Variants in FGF5 observed in about 807,000 individuals in gnomAD.
The protein encoded by FGF5 is heparin-binding growth factor 5.
A neutral mutation model predicts 21.8 loss-of-function variants in FGF5; 23 were observed. The observed-to-expected ratio is 1.05, with a 90% confidence interval of 0.76 to 1.49. The LOEUF is 1.49. Ranked by LOEUF, FGF5 falls within the 40% of genes most tolerant of loss-of-function variation. The pLI is 0.00. For synonymous variants in FGF5, 158 were observed against 124.0 expected (o/e 1.27, Z -1.82); for missense variants, 352 against 332.9 (o/e 1.06, Z -0.45).
chr4:80,272,501 CTATT>C (rs765217972), intron 1 of FGF5, among the ~76,000 whole-genome samples: 3 of 151,986 alleles, frequency 2.0e-5, no homozygotes, highest in Non-Finnish European at 2.9e-5. Flanking sequence ...TTATCAGAAA[CTATT>C]TATTTAAGCA....
At chr4:80,269,677 C>T (rs1293128959) in intron 1 of FGF5, among the ~76,000 whole-genome samples, 3 of 152,130 alleles carry the variant, frequency 2.0e-5, no homozygotes, top group Admixed American at 2.0e-4. Flanking sequence ...GTTTCTGTGT[C>T]TTTCACATGA....
Position 80,275,021 on chromosome 4 carries a change from A to G in FGF5, c.459+9A>G, listed in dbSNP as rs756459926. The G allele has an allele frequency of 7.9e-7, 1 of 1,258,364 alleles. No individual in the cohort carries two copies. Among genetic ancestry groups the G allele is most frequent in the Non-Finnish European group, 1.1e-6 (1 of 872,930 alleles). 77.9% of individuals were successfully genotyped at this position (1,258,364 alleles called of 1,614,324 possible). A position where few individuals can be genotyped will look rare whatever the true frequency, so the allele number is the denominator to read the frequency against. The stretch of plus-strand genomic sequence containing the variant: ...GAAAACTCCATGCAAGTGTAAGTAG[A>G]ACCACTTTATATTTGTTAAAGGTGC... On this transcript the variant is annotated intron_variant, in intron 2 of 2. Coordinates refer to ENST00000312465, the MANE Select transcript of FGF5 (RefSeq NM_004464.4).
intron 2 of FGF5, among the ~76,000 whole-genome samples, chr4:80,278,725 T>G (rs1171363256): frequency 2.0e-5 from 3 of 152,156 alleles, no homozygotes; most frequent in African/African-American, 4.8e-5. Flanking sequence ...GTGGGCTCCC[T>G]GGACTCATTC....
At chr4:80,276,512 A>T (rs970571206) in intron 2 of FGF5, among the ~76,000 whole-genome samples, 2 of 151,956 alleles carry the variant, frequency 1.3e-5, no homozygotes, top group Non-Finnish European at 2.9e-5. Context: ...TTTTATTTCA[A>T]TAGGTTTTTA....
At chr4:80,277,482 T>A (rs995697415) in intron 2 of FGF5, among the ~76,000 whole-genome samples, 4 of 152,154 alleles carry the variant, frequency 2.6e-5, no homozygotes, top group Non-Finnish European at 5.9e-5. Context: ...TTTAAAGATG[T>A]TGAATTTAGA....
chr4:80,277,592 C>G (rs965593560), intron 2 of FGF5, among the ~76,000 whole-genome samples: 1 of 152,050 alleles, frequency 6.6e-6, no homozygotes, highest in Non-Finnish European at 1.5e-5. Context: ...TTTTGTAACT[C>G]TAAATATGAC....
At chr4:80,282,327 A>G (rs1245511225) in intron 2 of FGF5, among the ~76,000 whole-genome samples, 1 of 152,182 alleles carries the variant, frequency 6.6e-6, no homozygotes, top group Non-Finnish European at 1.5e-5. Context: ...ATATTCAAGA[A>G]AAAATAGTTC....
chr4:80,266,803 T>G lies in FGF5; in HGVS notation c.-22T>G. ...CAGAATCAGCCCTACAAGATGCACT[T>G]AGGACCCCCGCGGCTGGAAGAATGA... On this transcript the variant is annotated 5_prime_UTR_variant, in exon 1 of 3. The change creates a premature stop within an existing upstream ORF in the 5' untranslated region. Coordinates refer to ENST00000312465, the MANE Select transcript of FGF5 (RefSeq NM_004464.4). The G allele has an allele frequency of 2.6e-6, 4 of 1,554,878 alleles. No homozygotes were observed. Among genetic ancestry groups the G allele is most frequent in the Non-Finnish European group, 3.5e-6 (4 of 1,152,072 alleles).
chr4:80,283,315 A>C (rs1223024720), intron 2 of FGF5, among the ~76,000 whole-genome samples: 1 of 152,098 alleles, frequency 6.6e-6, no homozygotes, highest in East Asian at 1.9e-4. Context: ...TGACCTTTGA[A>C]AAATCTGAAG....
chr4:80,271,580 C>T (rs1720273929), intron 1 of FGF5, among the ~76,000 whole-genome samples: 1 of 152,134 alleles, frequency 6.6e-6, no homozygotes, highest in African/African-American at 2.4e-5. Context: ...ACTAAGACAC[C>T]TGTCCATACT....
At chr4:80,285,316 G>A (rs777092687) in intron 2 of FGF5, among the ~76,000 whole-genome samples, 1 of 152,134 alleles carries the variant, frequency 6.6e-6, no homozygotes, top group Non-Finnish European at 1.5e-5. Context: ...TAGAGGTCAC[G>A]CTGAACTACT....
intron 2 of FGF5, among the ~76,000 whole-genome samples, chr4:80,281,395 T>C (rs1407800817): frequency 6.6e-6 from 1 of 152,236 alleles, no homozygotes; most frequent in African/African-American, 2.4e-5. Context: ...CAGTCTATGA[T>C]AACCTTTTTG....
intron 2 of FGF5, among the ~76,000 whole-genome samples, chr4:80,280,173 A>G (rs1222096067): frequency 6.6e-6 from 1 of 152,204 alleles, no homozygotes; most frequent in Non-Finnish European, 1.5e-5. Flanking sequence ...TGAAAAGAAT[A>G]TTTTTTTGCC....
At chr4:80,285,194 A>G (rs890479183) in intron 2 of FGF5, among the ~76,000 whole-genome samples, 1 of 152,124 alleles carries the variant, frequency 6.6e-6, no homozygotes, top group Admixed American at 6.6e-5. Flanking sequence ...CTCTTCCCCC[A>G]TTCTCCCACA....
intron 1 of FGF5, 78 bp downstream of exon 1, chr4:80,267,257 G>A (rs1720123999): frequency 8.4e-6 from 10 of 1,191,060 alleles, no homozygotes; most frequent in Non-Finnish European, 1.2e-5. Context: ...TATTCGCCGG[G>A]ACACAGGCTC....
intron 2 of FGF5, among the ~76,000 whole-genome samples, chr4:80,285,818 C>T (rs146350477): frequency 0.013 from 1,990 of 152,292 alleles, 27 homozygotes; most frequent in Middle Eastern, 0.044. Flanking sequence ...ACTTCTCTCT[C>T]AGCAGCCTCA....
chr4:80,290,774 T>A lies in FGF5; in HGVS notation c.*4102T>A, dbSNP rs894474564. The stretch of plus-strand genomic sequence containing the variant: ...TTATTGTTCAATTCCCACCTATGAG[T>A]GAGAATATGTGGTGTTTGGTTTTTG... On this transcript the variant is annotated 3_prime_UTR_variant, in exon 3 of 3. Coordinates refer to ENST00000312465, the MANE Select transcript of FGF5 (RefSeq NM_004464.4). 1 of 152,026 alleles carries A rather than the reference T, an allele frequency of 6.6e-6. No individual in the cohort carries two copies. Among genetic ancestry groups the A allele is most frequent in the Non-Finnish European group, 1.5e-5 (1 of 68,008 alleles). 9.4% of individuals were successfully genotyped at this position (152,026 alleles called of 1,614,324 possible).
chr4:80,267,294 C>T, intron 1 of FGF5, 115 bp downstream of exon 1: 1 of 815,242 alleles, frequency 1.2e-6, no homozygotes, highest in Non-Finnish European at 1.9e-6. Flanking sequence ...GCCACTGGGA[C>T]CAAGCTGATA....
rs1425006556 is a variant in FGF5 at position 80,290,908 on chromosome 4, T to G, written c.*4236T>G. The G allele has an allele frequency of 2.0e-5, 3 of 152,200 alleles. No individual in the cohort carries two copies. Among genetic ancestry groups the G allele is most frequent in the Non-Finnish European group, 4.4e-5 (3 of 68,028 alleles). The allele number at this position is 152,200 out of a possible 1,614,324, so 9.4% of individuals were successfully genotyped here. ...GCTGCATAGTATTCCATGGTGTATA[T>G]GTGCCACATTTTCTTAATCCAGTCT... On this transcript the variant is annotated 3_prime_UTR_variant, in exon 3 of 3. Transcript: ENST00000312465.
Sources: gnomAD v4.1 joint callset for allele counts (sites outside exome capture counted in the v4.1 genomes callset) on GRCh38, gnomAD v4.1.1 for gene constraint, MANE v1.5 for transcripts, NCBI Gene and HGNC (gene_info 2026-07-23, HGNC 2026-07-21) for gene names.